The following SLC25A26 variants were observed in gnomAD, a reference collection of about 807,000 sequenced individuals.
SLC25A26 encodes mitochondrial S-adenosylmethionine carrier protein.
SLC25A26 carries 36 observed loss-of-function variants against 37.8 expected under a neutral mutation model. That is an observed-to-expected ratio of 0.95 (90% CI 0.73 to 1.26). The LOEUF is 1.26. Among genes scored for constraint, SLC25A26 ranks in the 50% most tolerant of loss-of-function variants. SLC25A26 has a pLI of 0.00. For synonymous variants in SLC25A26, 129 were observed against 122.5 expected (o/e 1.05, Z -0.35); for missense variants, 390 against 331.1 (o/e 1.18, Z -1.38).
intron 2 of SLC25A26, among the ~76,000 whole-genome samples, chr3:66,237,971 C>G (rs565253493): frequency 2.2e-4 from 33 of 152,156 alleles, no homozygotes; most frequent in African/African-American, 7.5e-4. Flanking sequence ...CTTTTTTTCT[C>G]CTGCCCTTCC....
intron 5 of SLC25A26, among the ~76,000 whole-genome samples, chr3:66,318,437 G>A (rs551211851): frequency 1.3e-5 from 2 of 152,126 alleles, no homozygotes; most frequent in African/African-American, 2.4e-5. Flanking sequence ...TCCCCCTGCC[G>A]CCTTGTGAAG....
intron 5 of SLC25A26, among the ~76,000 whole-genome samples, chr3:66,303,395 G>A (rs1389456923): frequency 6.6e-6 from 1 of 152,210 alleles, no homozygotes; most frequent in Non-Finnish European, 1.5e-5. Context: ...CTGCTCGTTA[G>A]CCCTGTGAAC....
At chr3:66,287,798 A>G (rs1326391052) in intron 5 of SLC25A26, among the ~76,000 whole-genome samples, 1 of 152,240 alleles carries the variant, frequency 6.6e-6, no homozygotes, top group East Asian at 1.9e-4. Flanking sequence ...AAATAAACCT[A>G]GAACCTAAAT....
In SLC25A26 at chr3:66,208,970, G is replaced by A. The variant is rs1395153384; in HGVS notation, c.-353-11772G>A. Among the ~76,000 whole-genome samples the A allele has an allele frequency of 4.9e-4, 3 of 6,160 alleles. 1 individual carries two copies. Among genetic ancestry groups the A allele is most frequent in the South Asian group, 5.2e-3 (1 of 194 alleles). 4.0% of individuals were successfully genotyped at this position (6,160 alleles called of 152,430 possible). A position where few individuals can be genotyped will look rare whatever the true frequency, so the allele number is the denominator to read the frequency against. ...TTTATATATATATACCCATATAAAG[G>A]TGTGTATATATATATATATTTATGT... On this transcript the variant is annotated intron_variant, in intron 1 of 10. Coordinates refer to the SLC25A26 transcript ENST00000676754.
chr3:66,307,551 T>G (rs544737845), intron 5 of SLC25A26, among the ~76,000 whole-genome samples: 80 of 152,240 alleles, frequency 5.3e-4, no homozygotes, highest in Non-Finnish European at 8.2e-4. Flanking sequence ...CCGTTGCTTT[T>G]GGTGTTTTAA....
rs1193240737 is a variant in SLC25A26, at chr3:66,352,353, C to G, written c.498+5945C>G. ...TGGCCTCTGTCTGCCTCAGCCTTAT[C>G]CCGTGCCACTCACCCGCTGTGCCCG... is the stretch of plus-strand genomic sequence containing the variant. On this transcript the variant is annotated intron_variant, in intron 6 of 9. Transcript: ENST00000354883. Among the ~76,000 whole-genome samples the G allele has an allele frequency of 2.6e-5, 4 of 152,120 alleles. No homozygotes were observed. The East Asian group carries it at 7.7e-4, about 29-fold the overall frequency.
intron 1 of SLC25A26, among the ~76,000 whole-genome samples, chr3:66,176,613 A>G (rs1327963123): frequency 2.6e-5 from 4 of 152,238 alleles, no homozygotes; most frequent in African/African-American, 9.6e-5. Flanking sequence ...TAGCCAGAAA[A>G]CAGGGTGTTA....
intron 5 of SLC25A26, among the ~76,000 whole-genome samples, chr3:66,288,261 T>A (rs1205562512): frequency 6.6e-6 from 1 of 152,132 alleles, no homozygotes; most frequent in Non-Finnish European, 1.5e-5. Flanking sequence ...GGCAGTCCTT[T>A]TAGACAACTT....
chr3:66,339,975 G>A (rs1460229726), intron 5 of SLC25A26, among the ~76,000 whole-genome samples: 1 of 151,804 alleles, frequency 6.6e-6, no homozygotes, highest in African/African-American at 2.4e-5. Context: ...TTCTTCTAGG[G>A]GTTTTGTGGT....
At chr3:66,371,296 C>T in intron 9 of SLC25A26, 1 of 1,550,046 alleles carries the variant, frequency 6.5e-7, no homozygotes, top group African/African-American at 1.4e-5. Context: ...GGCGTCTCAG[C>T]TGGCAGTGCC....
At position 66,377,594 on chromosome 3, in the gene SLC25A26, T is replaced by C. The variant is rs964768970; in HGVS notation, c.708-96T>C. 9 of 900,244 alleles carry C rather than the reference T, an allele frequency of 1.0e-5. No individual in the cohort carries two copies. The African/African-American group carries it at 1.3e-4, about 13-fold the overall frequency. The allele number at this position is 900,244 out of a possible 1,614,324, so 55.8% of individuals were successfully genotyped here. A position where few individuals can be genotyped will look rare whatever the true frequency, so the allele number is the denominator to read the frequency against. The stretch of plus-strand genomic sequence containing the variant: ...AAGCTGTTTGGTAGTTAGCCACTAA[T>C]GAGCATGGTGTATTGAGCTGAGCAA... On this transcript the variant is annotated intron_variant, in intron 9 of 9. Transcript: ENST00000354883.
chr3:66,212,347 T>C (rs1443222334), intron 1 of SLC25A26, among the ~76,000 whole-genome samples: 1 of 152,106 alleles, frequency 6.6e-6, no homozygotes, highest in Non-Finnish European at 1.5e-5. Flanking sequence ...GACTCCTGGC[T>C]TGAAGTAGTC....
At chr3:66,236,765 G>C in intron 2 of SLC25A26, 65 bp downstream of exon 2, 1 of 1,245,100 alleles carries the variant, frequency 8.0e-7, no homozygotes, top group Non-Finnish European at 1.1e-6. Flanking sequence ...ATGGTGTGTG[G>C]TCTTACCCCC....
chr3:66,333,881 T>G (rs1262473615), intron 5 of SLC25A26, among the ~76,000 whole-genome samples: 1 of 152,152 alleles, frequency 6.6e-6, no homozygotes. Flanking sequence ...TCCTCTGTAT[T>G]ACAGAGAGTG....
intron 5 of SLC25A26, among the ~76,000 whole-genome samples, chr3:66,343,057 A>G (rs564190391): frequency 2.0e-5 from 3 of 152,156 alleles, no homozygotes; most frequent in Non-Finnish European, 4.4e-5. Flanking sequence ...AACAGCCTAC[A>G]TCTGTTTGGG....
At chr3:66,259,808 G>A (rs2073451255) in intron 3 of SLC25A26, among the ~76,000 whole-genome samples, 1 of 152,090 alleles carries the variant, frequency 6.6e-6, no homozygotes, top group African/African-American at 2.4e-5. Flanking sequence ...CTCTGCTTCA[G>A]CTTTTTCAAG....
intron 3 of SLC25A26, among the ~76,000 whole-genome samples, chr3:66,244,301 A>G (rs2107122795): frequency 6.6e-6 from 1 of 152,386 alleles, no homozygotes; most frequent in African/African-American, 2.4e-5. Context: ...CCGAACCTGC[A>G]CTGAATAACA....
At chr3:66,223,689 TAACATTA>T (rs2106891845) in intron 1 of SLC25A26, among the ~76,000 whole-genome samples, 1 of 152,210 alleles carries the variant, frequency 6.6e-6, no homozygotes, top group African/African-American at 2.4e-5. Flanking sequence ...TTAAATGAGG[TAACATTA>T]AACACACAGA....
intron 5 of SLC25A26, among the ~76,000 whole-genome samples, chr3:66,339,414 G>T (rs2076157479): frequency 6.6e-6 from 1 of 151,916 alleles, no homozygotes; most frequent in African/African-American, 2.4e-5. Flanking sequence ...GGATTTTATG[G>T]TAATTCTACC....
Sources: gnomAD v4.1 joint callset for allele counts (sites outside exome capture counted in the v4.1 genomes callset) on GRCh38, gnomAD v4.1.1 for gene constraint, MANE v1.5 for transcripts, NCBI Gene and HGNC (gene_info 2026-07-23, HGNC 2026-07-21) for gene names.